PRSS12: variants seen among roughly 807,000 people sequenced by gnomAD.
PRSS12 encodes the protein neurotrypsin.
A neutral mutation model predicts 104.4 loss-of-function variants in PRSS12; 85 were observed. The observed-to-expected ratio is 0.81, with a 90% CI of 0.68 to 0.98. PRSS12 has a LOEUF of 0.98. Ranked by LOEUF, PRSS12 falls within the 50% of genes least tolerant of loss-of-function variation. The pLI is 0.00. For synonymous variants in PRSS12, 454 were observed against 425.2 expected (o/e 1.07, Z -0.83); for missense variants, 1,141 against 1,139.2 (o/e 1.00, Z -0.02).
At chr4:118,295,193 A>G (rs1743226754) in intron 10 of PRSS12, 132 bp from the exon 11 acceptor site, 2 of 1,176,604 alleles carry the variant, frequency 1.7e-6, no homozygotes, top group South Asian at 2.7e-5. Flanking sequence ...AAGGGACTCC[A>G]GGATACATCC....
rs1743900019 is a variant in PRSS12, at chr4:118,316,090, T to C, written c.1292+92A>G. 1.1e-5 allele frequency: 16 copies of C among 1,398,504 alleles called. No individual in the cohort carries two copies. The South Asian group carries it at 1.9e-4, about 17-fold the overall frequency. The allele number at this position is 1,398,504 out of a possible 1,614,324, so 86.6% of individuals were successfully genotyped here. On this transcript the variant is annotated intron_variant, in intron 6 of 12. Coordinates refer to ENST00000296498, the MANE Select transcript of PRSS12 (RefSeq NM_003619.4). ...AGGTAGGAGAGAACAGGTATTTTTATTATTATAAAAATTACAAGTAGGGAT... is the reference window on the plus strand; with the variant it reads ...AGGTAGGAGAGAACAGGTATTTTTACTATTATAAAAATTACAAGTAGGGAT...
In PRSS12 at chr4:118,308,304, T is replaced by C. The variant is rs2126032114; in HGVS notation, c.1631+132A>G. The C allele has an allele frequency of 3.2e-6, 4 of 1,246,128 alleles. No homozygotes were observed. In the East Asian group the frequency reaches 9.4e-5, roughly 29 times the overall value. The allele number at this position is 1,246,128 out of a possible 1,614,324, so 77.2% of individuals were successfully genotyped here. On this transcript the variant is annotated intron_variant, in intron 8 of 12. Transcript: ENST00000296498. ...TACTTCTTTATAATTCTGGATCAAA[T>C]CAATATGCTGCCAGTATTTTCAAAT...
intron 11 of PRSS12, among the ~76,000 whole-genome samples, chr4:118,288,008 G>A (rs188023147): frequency 5.3e-5 from 8 of 152,186 alleles, no homozygotes; most frequent in African/African-American, 1.9e-4. Flanking sequence ...GAGACTCTGA[G>A]GCTAAAGTAA....
chr4:118,346,461 TA>T (rs1724359176), intron 1 of PRSS12, among the ~76,000 whole-genome samples: 2 of 14,642 alleles, frequency 1.4e-4, no homozygotes, highest in Non-Finnish European at 9.8e-4. Flanking sequence ...TTCCTATTTA[TA>T]TATATATATA....
At chr4:118,289,761 G>A (rs149704185) in intron 11 of PRSS12, among the ~76,000 whole-genome samples, 3 of 152,234 alleles carry the variant, frequency 2.0e-5, no homozygotes, top group African/African-American at 4.8e-5. Flanking sequence ...TATGAAATCC[G>A]GCAAAGGTAA....
chr4:118,338,555 AACAG>A (rs1271659884), intron 1 of PRSS12, among the ~76,000 whole-genome samples: 1 of 152,118 alleles, frequency 6.6e-6, no homozygotes, highest in Non-Finnish European at 1.5e-5. Flanking sequence ...TATCTAGGCA[AACAG>A]ACAGTCCTAT....
rs143520192 is a variant in PRSS12, at chr4:118,352,693, G to A, written c.28C>T (p.Leu10=). 3.7e-6 allele frequency: 6 copies of A among 1,613,200 alleles called. No homozygotes were observed. In the Admixed American group the frequency reaches 8.3e-5, roughly 22 times the overall value. Residue 10 remains leucine, a synonymous_variant, in exon 1 of 13, where the codon CTG becomes TTG. Coordinates refer to ENST00000296498, the MANE Select transcript of PRSS12 (RefSeq NM_003619.4). Reference sequence around the variant, plus strand: ...ACTTCGGGGAGCGCCCCTAACATCAGGGCTAGCACGAAGCGGGCGAGCGTC... The same window carrying A: ...ACTTCGGGGAGCGCCCCTAACATCAAGGCTAGCACGAAGCGGGCGAGCGTC... MTLARFVLA[L]MLGALPEVVG...
intron 11 of PRSS12, among the ~76,000 whole-genome samples, chr4:118,284,541 TCAC>T (rs1361955105): frequency 6.6e-6 from 1 of 152,240 alleles, no homozygotes; most frequent in Non-Finnish European, 1.5e-5. Context: ...GACCTTGTAT[TCAC>T]CAGGTAACCA....
chr4:118,322,623 T>A (rs1220118932), intron 4 of PRSS12, among the ~76,000 whole-genome samples: 2 of 149,746 alleles, frequency 1.3e-5, no homozygotes, highest in East Asian at 1.9e-4. Flanking sequence ...AATTCAAAAG[T>A]CATGTAAAAG....
At chr4:118,316,047 T>C (rs1560775377) in intron 6 of PRSS12, 135 bp downstream of exon 6, 2 of 952,704 alleles carry the variant, frequency 2.1e-6, no homozygotes, top group Non-Finnish European at 3.1e-6. Context: ...TATTTTTCAT[T>C]GTTGTACTTC....
intron 4 of PRSS12, among the ~76,000 whole-genome samples, chr4:118,331,255 G>T (rs571880317): frequency 6.6e-6 from 1 of 152,234 alleles, no homozygotes; most frequent in South Asian, 2.1e-4. Context: ...CAACCCTACA[G>T]GGGAATTATC....
intron 8 of PRSS12, among the ~76,000 whole-genome samples, chr4:118,304,143 T>G (rs1038476201): frequency 3.2e-4 from 48 of 152,048 alleles, no homozygotes; most frequent in African/African-American, 9.9e-4. Context: ...TGTGTGTATC[T>G]GTATATATGC....
rs111548672 is a variant in PRSS12 at position 118,310,879 on chromosome 4, C to T, written c.1490-2302G>A. ...CAGCCTGGCCAACATGGCAAAACTC[C>T]ATCTGTACTAAAAATACAAATATTA... On this transcript the variant is annotated intron_variant, in intron 7 of 12. Coordinates refer to ENST00000296498, the MANE Select transcript of PRSS12 (RefSeq NM_003619.4). 6.8e-3 allele frequency among the ~76,000 whole-genome samples: 1,034 copies of T among 152,210 alleles called. 13 individuals are homozygous for T. Among genetic ancestry groups the T allele is most frequent in the African/African-American group, 0.023 (945 of 41,524 alleles).
At chr4:118,335,409 T>G in intron 3 of PRSS12, 64 bp downstream of exon 3, 2 of 1,569,626 alleles carry the variant, frequency 1.3e-6, no homozygotes, top group Non-Finnish European at 1.7e-6. Flanking sequence ...GACACTTTCA[T>G]CATCTGGAAT....
At chr4:118,314,787 G>GA (rs969326744) in intron 6 of PRSS12, among the ~76,000 whole-genome samples, 1 of 151,528 alleles carries the variant, frequency 6.6e-6, no homozygotes, top group Non-Finnish European at 1.5e-5. Flanking sequence ...AAAATATGAA[G>GA]AAAAAAATCA....
At chr4:118,316,381 C>A in intron 5 of PRSS12, 58 bp from the exon 6 acceptor site, 1 of 1,604,468 alleles carries the variant, frequency 6.2e-7, no homozygotes, top group South Asian at 1.1e-5. Flanking sequence ...AAAGGCAAAA[C>A]AACATTTGTA....
chr4:118,320,844 AAG>A (rs1489250315), intron 4 of PRSS12, among the ~76,000 whole-genome samples: 1 of 152,150 alleles, frequency 6.6e-6, no homozygotes, highest in Non-Finnish European at 1.5e-5. Flanking sequence ...TTAAAATTCA[AAG>A]AGTGTGCCAA....
chr4:118,292,884 G>A (rs962053290), intron 11 of PRSS12, among the ~76,000 whole-genome samples: 5 of 151,932 alleles, frequency 3.3e-5, no homozygotes, highest in Admixed American at 2.6e-4. Context: ...GCATGGTGAC[G>A]CACACCTGTA....
In PRSS12 at chr4:118,316,321, C is replaced by T. The variant is rs1743910574; in HGVS notation, c.1153G>A (p.Gly385Arg). The T allele has an allele frequency of 6.2e-7, 1 of 1,613,846 alleles. No homozygotes were observed. Among genetic ancestry groups the T allele is most frequent in the African/African-American group, 1.3e-5 (1 of 74,884 alleles). The change falls in exon 6 of 13, where the codon GGG becomes AGG. Residue 385 changes from glycine to arginine, a missense_variant and splice_region_variant. Transcript: ENST00000296498. ...TTCCCACCTGCAAGTCTGATGACCC[C>T]ATCTGTGATAAAGAGGAGACACAGA... ...AGVSCTPLTDGVIRLAGGKGS... is the reference protein window; with the variant it reads ...AGVSCTPLTDRVIRLAGGKGS...
Sources: gnomAD v4.1 joint callset for allele counts (sites outside exome capture counted in the v4.1 genomes callset) on GRCh38, gnomAD v4.1.1 for gene constraint, MANE v1.5 for transcripts, NCBI Gene and HGNC (gene_info 2026-07-23, HGNC 2026-07-21) for gene names.